PCDHAC1: variants seen among roughly 807,000 people sequenced by gnomAD.
PCDHAC1 encodes the protein protocadherin alpha-C1.
A neutral mutation model predicts 60.0 loss-of-function variants in PCDHAC1; 42 were observed. That is an observed-to-expected ratio of 0.70 (90% CI 0.55 to 0.90). The LOEUF (loss-of-function observed/expected upper bound fraction) is 0.90. Among genes scored for constraint, PCDHAC1 ranks in the 40% least tolerant of loss-of-function variants. PCDHAC1 has a pLI of 0.00. For missense variants in PCDHAC1, 1,160 were observed against 1,222.3 expected (o/e 0.95, Z 0.76); for synonymous variants, 468 against 499.3 (o/e 0.94, Z 0.84).
chr5:140,927,432 C>G lies in PCDHAC1; in HGVS notation c.540C>G (p.Ser180Arg), dbSNP rs781874569. The G allele has an allele frequency of 6.8e-6, 11 of 1,614,124 alleles. No homozygotes were observed. The East Asian group carries it at 2.5e-4, about 36-fold the overall frequency. Residue 180 changes from serine (S) to arginine (R), a missense_variant, in exon 1 of 4, where the codon AGC becomes AGG. By Grantham distance (110) the Ser-to-Arg change is moderately radical. Transcript: ENST00000253807. Reference sequence around the variant, plus strand: ...ACATGGGATCGCGGGTTGACGGCAGCGAATACCCGGAGTTGGTGTTGGAGA... The same window carrying G: ...ACATGGGATCGCGGGTTGACGGCAGGGAATACCCGGAGTTGGTGTTGGAGA... ...RLDMGSRVDGSEYPELVLEKA... is the reference protein window; with the variant it reads ...RLDMGSRVDGREYPELVLEKA...
At chr5:140,958,326 A>T (rs1440413634) in intron 1 of PCDHAC1, among the ~76,000 whole-genome samples, 1 of 152,150 alleles carries the variant, frequency 6.6e-6, no homozygotes, top group Non-Finnish European at 1.5e-5. Flanking sequence ...CTCAAAAAAT[A>T]AATAAATCAC....
chr5:140,966,499 A>AGCG (rs1178498918), intron 1 of PCDHAC1: 4 of 431,834 alleles, frequency 9.3e-6, no homozygotes, highest in Non-Finnish European at 1.6e-5. Flanking sequence ...CTGGAGCTGT[A>AGCG]GCGGCAGCAG....
chr5:140,981,794 T>G (rs1290588653), intron 2 of PCDHAC1, among the ~76,000 whole-genome samples: 2 of 152,150 alleles, frequency 1.3e-5, no homozygotes, highest in Non-Finnish European at 2.9e-5. Flanking sequence ...CTCTTTTCCC[T>G]TGAACAGTTT....
chr5:140,928,592 T>A lies in PCDHAC1; in HGVS notation c.1700T>A (p.Val567Glu). Residue 567 changes from valine to glutamate, a missense_variant, in exon 1 of 4, where the codon GTG becomes GAG. Coordinates refer to ENST00000253807, the MANE Select transcript of PCDHAC1 (RefSeq NM_018898.5). ...TTGCCCAGAAATGGTTCTGTCCCAG[T>A]GGAAATTGTGCCCCGCTCTGCCAGG... ...FPLPRNGSVP[V>E]EIVPRSARTG... 1 of 1,614,178 alleles carries A rather than the reference T, an allele frequency of 6.2e-7. No homozygotes were observed. Among genetic ancestry groups the A allele is most frequent in the Non-Finnish European group, 8.5e-7 (1 of 1,180,010 alleles).
chr5:140,999,751 G>A (rs1167424188), intron 3 of PCDHAC1, among the ~76,000 whole-genome samples: 1 of 152,150 alleles, frequency 6.6e-6, no homozygotes, highest in Non-Finnish European at 1.5e-5. Flanking sequence ...TGGGTTCGCA[G>A]CACATGATGT....
At chr5:141,001,220 G>T (rs1554258038) in intron 3 of PCDHAC1, among the ~76,000 whole-genome samples, 1 of 152,116 alleles carries the variant, frequency 6.6e-6, no homozygotes, top group African/African-American at 2.4e-5. Flanking sequence ...TATAAGGATA[G>T]TTACATTTAA....
intron 1 of PCDHAC1, among the ~76,000 whole-genome samples, chr5:140,933,901 C>T (rs1218971055): frequency 4.0e-5 from 6 of 151,882 alleles, no homozygotes; most frequent in African/African-American, 1.2e-4. Context: ...AATATTTTGG[C>T]ATAAAGTTGT....
At chr5:140,953,126 C>T (rs1284922743) in intron 1 of PCDHAC1, among the ~76,000 whole-genome samples, 2 of 152,096 alleles carry the variant, frequency 1.3e-5, no homozygotes, top group African/African-American at 2.4e-5. Flanking sequence ...AGATCTAAAC[C>T]GTATCACTGT....
intron 3 of PCDHAC1, 75 bp from the exon 4 acceptor site, chr5:141,009,552 C>T: frequency 6.4e-7 from 1 of 1,562,176 alleles, no homozygotes; most frequent in Non-Finnish European, 8.7e-7. Context: ...TGCAGTACTC[C>T]TGTACTCTAC....
At chr5:140,956,141 C>A (rs1181002106) in intron 1 of PCDHAC1, among the ~76,000 whole-genome samples, 2 of 152,122 alleles carry the variant, frequency 1.3e-5, no homozygotes, top group Non-Finnish European at 2.9e-5. Context: ...CCCTTTATTT[C>A]TTTCTCTTTC....
rs541589842 is a variant in PCDHAC1, at chr5:140,964,001, A to G, written c.2434-14948A>G. Reference sequence around the variant, plus strand: ...TCTATATTCCTAATTACTGTGTTCTACTTTTTAATAGAGAGCTCTTGAAGG... The same window carrying G: ...TCTATATTCCTAATTACTGTGTTCTGCTTTTTAATAGAGAGCTCTTGAAGG... On this transcript the variant is annotated intron_variant, in intron 1 of 3. Transcript: ENST00000253807. Among the ~76,000 whole-genome samples the G allele has an allele frequency of 9.2e-5, 14 of 152,286 alleles. No homozygotes were observed. The South Asian group carries it at 2.7e-3, about 29-fold the overall frequency.
chr5:140,969,051 A>T (rs908108421), intron 1 of PCDHAC1: 3 of 1,614,062 alleles, frequency 1.9e-6, no homozygotes, highest in Non-Finnish European at 1.7e-6. Context: ...CAAGCCAACA[A>T]CAATATTGAT....
rs1563186680 is a variant in PCDHAC1 at position 140,941,223 on chromosome 5, C to CTTTCTT, written c.2433+11900_2433+11905dup. Among the ~76,000 whole-genome samples the CTTTCTT allele has an allele frequency of 6.9e-4, 92 of 132,548 alleles. 1 individual carries two copies. The highest frequency in any genetic ancestry group is 2.7e-3 in the African/African-American group (88 of 33,182). The allele number at this position is 132,548 out of a possible 152,430, so 87.0% of individuals were successfully genotyped here. A position where few individuals can be genotyped will look rare whatever the true frequency, so the allele number is the denominator to read the frequency against. ...TCTTCCTTTCTTTCTTCCTTTCTTT[C>CTTTCTT]TTTCTTTCTTTCTTTCTTTCTTTCT... On this transcript the variant is annotated intron_variant, in intron 1 of 3. Coordinates refer to ENST00000253807, the MANE Select transcript of PCDHAC1 (RefSeq NM_018898.5).
intron 1 of PCDHAC1, among the ~76,000 whole-genome samples, chr5:140,942,620 A>T (rs1304224304): frequency 1.4e-4 from 4 of 28,710 alleles, no homozygotes; most frequent in Admixed American, 3.3e-4. Context: ...TGCCAATTGT[A>T]AAAAAAAAAA....
At chr5:140,997,406 C>T (rs2097769706) in intron 3 of PCDHAC1, among the ~76,000 whole-genome samples, 1 of 152,094 alleles carries the variant, frequency 6.6e-6, no homozygotes, top group Admixed American at 6.6e-5. Flanking sequence ...TATCGTATGG[C>T]CTATTTCTCC....
intron 3 of PCDHAC1, among the ~76,000 whole-genome samples, chr5:140,985,169 C>G (rs1169892350): frequency 6.6e-6 from 1 of 152,122 alleles, no homozygotes; most frequent in Non-Finnish European, 1.5e-5. Flanking sequence ...AATCTCCTGA[C>G]CTCGTAATCC....
chr5:140,993,267 T>C (rs1554253547), intron 3 of PCDHAC1, among the ~76,000 whole-genome samples: 1 of 152,166 alleles, frequency 6.6e-6, no homozygotes, highest in Non-Finnish European at 1.5e-5. Context: ...ATTAGCTTCT[T>C]TGGTCTTTTC....
intron 1 of PCDHAC1, among the ~76,000 whole-genome samples, chr5:140,934,646 T>C (rs1554210032): frequency 6.6e-6 from 1 of 152,116 alleles, no homozygotes; most frequent in African/African-American, 2.4e-5. Flanking sequence ...GCAGGATAAA[T>C]GTTTGATTCT....
chr5:140,960,331 A>G (rs1157705398), intron 1 of PCDHAC1, among the ~76,000 whole-genome samples: 1 of 152,230 alleles, frequency 6.6e-6, no homozygotes, highest in African/African-American at 2.4e-5. Flanking sequence ...TGTGAGAAGT[A>G]CATGAGGTGA....
Sources: gnomAD v4.1 joint callset for allele counts (sites outside exome capture counted in the v4.1 genomes callset) on GRCh38, gnomAD v4.1.1 for gene constraint, MANE v1.5 for transcripts, NCBI Gene and HGNC (gene_info 2026-07-23, HGNC 2026-07-21) for gene names.